Variants in UNC80 observed in about 807,000 individuals in gnomAD.
UNC80 encodes the protein unc-80 subunit of NALCN channel complex, also known as protein unc-80 homolog.
A neutral mutation model predicts 384.6 loss-of-function variants in UNC80; 164 were observed. The ratio of observed to expected loss-of-function variants is 0.43; its 90% CI spans 0.38 to 0.49. UNC80 has a LOEUF of 0.49. Ranked by LOEUF, UNC80 falls within the 20% of genes least tolerant of loss-of-function variation. The pLI, the probability that UNC80 is intolerant of heterozygous loss-of-function variation, is 0.00. For synonymous variants in UNC80, 1,486 were observed against 1,527.8 expected, an observed-to-expected ratio of 0.97 and a Z score of 0.64; for missense variants, 3,330 against 4,143.0, an observed-to-expected ratio of 0.80 and a Z score of 5.39.
chr2:209,927,720 G>A (rs905870678), intron 36 of UNC80, among the ~76,000 whole-genome samples: 6 of 152,168 alleles, frequency 3.9e-5, no homozygotes, highest in Non-Finnish European at 1.5e-5. Context: ...TTCTAGAACA[G>A]AGTTTCATGA....
At position 209,922,390 on chromosome 2, in the gene UNC80, C is replaced by T; in HGVS notation, c.5662+7C>T. 1 of 1,550,938 alleles carries T rather than the reference C, an allele frequency of 6.4e-7. No homozygotes were observed. Among genetic ancestry groups the T allele is most frequent in the Non-Finnish European group, 8.7e-7 (1 of 1,146,500 alleles). On this transcript the variant is annotated splice_region_variant and intron_variant, in intron 35 of 64. Coordinates refer to ENST00000673920, the MANE Select transcript of UNC80 (RefSeq NM_001371986.1). Reference sequence around the variant, plus strand: ...TCAGCCGTCAGTGCTGAAGGTGTGTCCTCTTGCATACGTTTTATTTCTCCT... The same window carrying T: ...TCAGCCGTCAGTGCTGAAGGTGTGTTCTCTTGCATACGTTTTATTTCTCCT...
At chr2:209,970,189 G>A (rs191349678) in intron 53 of UNC80, 4 of 358,194 alleles carry the variant, frequency 1.1e-5, no homozygotes, top group Admixed American at 8.9e-5. Flanking sequence ...GTGGGGTGGC[G>A]GAGCCTGCAC....
In UNC80 at chr2:209,793,820, C is replaced by A. The variant is rs1212656046; in HGVS notation, c.899C>A (p.Ser300Tyr). 1.2e-6 allele frequency: 2 copies of A among 1,614,108 alleles called. No individual in the cohort carries two copies. The highest frequency in any genetic ancestry group is 1.7e-6 in the Non-Finnish European group (2 of 1,179,970). The stretch of plus-strand genomic sequence containing the variant: ...GGAAACTCCTTTGATGGAAGTCTGT[C>A]CTCCCAAACTTCCCAGGAAAGAGGC... The part of the protein sequence containing the change: ...HRGNSFDGSL[S>Y]SQTSQERGPS... The change falls in exon 7 of 65, where the codon TCC becomes TAC. Residue 300 changes from serine (S) to tyrosine (Y), a missense_variant. Transcript: ENST00000673920.
rs754061565 is a variant in UNC80 at position 209,954,220 on chromosome 2, T to C, written c.7407T>C (p.Ala2469=). 7 of 1,550,862 alleles carry C rather than the reference T, an allele frequency of 4.5e-6. No homozygotes were observed. The highest frequency in any genetic ancestry group is 3.9e-5 in the Admixed American group (2 of 50,956). ...GAGAGGAGATTGCGGCCACTGCTGC[T>C]CTTGCGACGTCCCTACAGGCCCTTT... The part of the protein sequence containing the change: ...AAREEIAATA[A]LATSLQALLY... The change falls in exon 48 of 65, where the codon GCT becomes GCC. Residue 2469 remains alanine (A), a synonymous_variant. Coordinates refer to ENST00000673920, the MANE Select transcript of UNC80 (RefSeq NM_001371986.1).
In UNC80 at chr2:209,921,605, A is replaced by G; in HGVS notation, c.5449A>G (p.Ser1817Gly). Residue 1817 changes from serine (S) to glycine (G), a missense_variant, in exon 34 of 65, where the codon AGC becomes GGC. Transcript: ENST00000673920. The stretch of plus-strand genomic sequence containing the variant: ...AAAGAAACGACTTGGTAGAGAAGCC[A>G]GCCTCATCACTGCCATCCCCATCAC... ...EEKKRLGREASLITAIPITQE... is the reference protein window; with the variant it reads ...EEKKRLGREAGLITAIPITQE... 6.4e-7 allele frequency: 1 copy of G among 1,551,742 alleles called. No individual in the cohort carries two copies. Among genetic ancestry groups the G allele is most frequent in the Non-Finnish European group, 8.7e-7 (1 of 1,146,994 alleles).
At chr2:209,776,078 T>G in intron 3 of UNC80, 33 bp downstream of exon 3, 1 of 1,613,174 alleles carries the variant, frequency 6.2e-7, no homozygotes, top group Non-Finnish European at 8.5e-7. Context: ...TTATTGCATG[T>G]GATTGCCCTT....
At chr2:209,918,691 T>C (rs775348105) in intron 33 of UNC80, 28 bp downstream of exon 33, 1 of 1,521,722 alleles carries the variant, frequency 6.6e-7, no homozygotes, top group South Asian at 1.2e-5. Context: ...CCAGGTTCCA[T>C]GGTGTACGTG....
In UNC80 at chr2:209,959,661, C is replaced by T. The variant is rs2092528369; in HGVS notation, c.7759C>T (p.Pro2587Ser). Residue 2587 changes from proline (P) to serine (S), a missense_variant, in exon 51 of 65, where the codon CCT becomes TCT. Physicochemically the swap from Pro to Ser is moderately conservative, Grantham distance 74 (BLOSUM62 -1). Transcript: ENST00000673920. ...GATCTTGCAAAATCTGGCTGGGGAGCCTCGGGTCATTGCCTTGGAACTGCT... is the reference window on the plus strand; with the variant it reads ...GATCTTGCAAAATCTGGCTGGGGAGTCTCGGGTCATTGCCTTGGAACTGCT... The part of the protein sequence containing the change: ...LKILQNLAGE[P>S]RVIALELLDV... The T allele has an allele frequency of 6.4e-7, 1 of 1,551,642 alleles. No individual in the cohort carries two copies. Among genetic ancestry groups the T allele is most frequent in the African/African-American group, 1.4e-5 (1 of 73,144 alleles).
At chr2:209,932,442 GTGGAAAGAGCC>G (rs2090950298) in intron 38 of UNC80, among the ~76,000 whole-genome samples, 1 of 152,186 alleles carries the variant, frequency 6.6e-6, no homozygotes. Flanking sequence ...CCAGGCTGGT[GTGGAAAGAGCC>G]CAAAGAGGGA....
chr2:209,796,147 A>AC (rs2078140138), intron 7 of UNC80: 1 of 152,268 alleles, frequency 6.6e-6, no homozygotes, highest in Non-Finnish European at 1.5e-5. Flanking sequence ...CATCAGTGTA[A>AC]CCTGGATGTG....
intron 30 of UNC80, among the ~76,000 whole-genome samples, chr2:209,912,983 T>G (rs986221396): frequency 2.6e-5 from 4 of 152,208 alleles, no homozygotes; most frequent in African/African-American, 9.6e-5. Flanking sequence ...AATGAGACAG[T>G]CTGGGTTCAT....
In UNC80 at chr2:209,786,274, A is replaced by G. The variant is rs527274536; in HGVS notation, c.724+85A>G. On this transcript the variant is annotated intron_variant, in intron 5 of 64. Coordinates refer to ENST00000673920, the MANE Select transcript of UNC80 (RefSeq NM_001371986.1). The stretch of plus-strand genomic sequence containing the variant: ...AGAGTGATGGGATAATTTGCCCCTA[A>G]GAAGTCAAAAAGAAGCAAATATCTA... The G allele has an allele frequency of 2.7e-6, 4 of 1,480,622 alleles. No homozygotes were observed. In the African/African-American group the frequency reaches 5.7e-5, roughly 21 times the overall value. 91.7% of individuals were successfully genotyped at this position (1,480,622 alleles called of 1,614,324 possible). A position where few individuals can be genotyped will look rare whatever the true frequency, so the allele number is the denominator to read the frequency against.
chr2:209,875,020 C>T (rs957650923), intron 23 of UNC80, among the ~76,000 whole-genome samples: 1 of 152,182 alleles, frequency 6.6e-6, no homozygotes, highest in Non-Finnish European at 1.5e-5. Context: ...ATCCCCATGA[C>T]TTCTCATCTC....
At chr2:209,991,608 T>A (rs113646833) in intron 61 of UNC80, among the ~76,000 whole-genome samples, 2 of 152,152 alleles carry the variant, frequency 1.3e-5, no homozygotes, top group Admixed American at 6.5e-5. Flanking sequence ...AAACCATTTT[T>A]AAAAAAACAT....
chr2:209,918,188 G>A (rs1383809790), intron 32 of UNC80, among the ~76,000 whole-genome samples: 1 of 152,144 alleles, frequency 6.6e-6, no homozygotes, highest in Non-Finnish European at 1.5e-5. Flanking sequence ...AATCTCACCA[G>A]CATTCCCAGA....
At chr2:209,774,388 A>C (rs76907271) in intron 2 of UNC80, among the ~76,000 whole-genome samples, 3,655 of 152,312 alleles carry the variant, frequency 0.024, 135 homozygotes, top group African/African-American at 0.081. Flanking sequence ...GCTTAAAATA[A>C]TCCTGACTTT....
At chr2:209,792,629 G>A (rs1367039098) in intron 6 of UNC80, among the ~76,000 whole-genome samples, 2 of 152,090 alleles carry the variant, frequency 1.3e-5, no homozygotes, top group Admixed American at 1.3e-4. Flanking sequence ...TTACAGGCAT[G>A]AGCCACCGCG....
At chr2:209,885,181 A>T (rs2085670527) in intron 25 of UNC80, among the ~76,000 whole-genome samples, 1 of 152,180 alleles carries the variant, frequency 6.6e-6, no homozygotes, top group Non-Finnish European at 1.5e-5. Context: ...ATGAATATTT[A>T]TTGAGAATAA....
intron 7 of UNC80, among the ~76,000 whole-genome samples, chr2:209,810,527 C>T (rs1438824413): frequency 2.0e-5 from 3 of 152,146 alleles, no homozygotes; most frequent in Non-Finnish European, 4.4e-5. Context: ...GGGGCAAGAC[C>T]TGGTGCCTGC....
Sources: gnomAD v4.1 joint callset for allele counts (sites outside exome capture counted in the v4.1 genomes callset) on GRCh38, gnomAD v4.1.1 for gene constraint, MANE v1.5 for transcripts, NCBI Gene and HGNC (gene_info 2026-07-23, HGNC 2026-07-21) for gene names.